CCNJL: variants seen among roughly 807,000 people sequenced by gnomAD.
The protein encoded by CCNJL is cyclin J like.
CCNJL carries 33 observed loss-of-function variants against 33.4 expected under a neutral mutation model. That is an observed-to-expected ratio of 0.99 (90% confidence interval 0.75 to 1.32). The LOEUF (loss-of-function observed/expected upper bound fraction) is 1.32, where lower values mean the gene tolerates loss of function less well. Among genes scored for constraint, CCNJL ranks in the 40% most tolerant of loss-of-function variants. The probability of loss-of-function intolerance (pLI) is 0.00; values close to 1 mark genes in which losing one functional copy is unlikely to be tolerated. For missense variants in CCNJL, 512 were observed against 499.7 expected, an observed-to-expected ratio of 1.02 and a Z score of -0.23; for synonymous variants, 227 against 220.9, an observed-to-expected ratio of 1.03 and a Z score of -0.24.
intron 1 of CCNJL, among the ~76,000 whole-genome samples, chr5:160,331,521 G>C (rs1320565733): frequency 6.6e-6 from 1 of 152,146 alleles, no homozygotes; most frequent in East Asian, 1.9e-4. Flanking sequence ...ACCGTGCCCA[G>C]CCCGAAGCCC....
chr5:160,282,498 C>G (rs928308298), intron 2 of CCNJL, among the ~76,000 whole-genome samples: 3 of 151,948 alleles, frequency 2.0e-5, no homozygotes, highest in African/African-American at 7.3e-5. Context: ...TCCAAAGATA[C>G]CATCCAGAAA....
intron 1 of CCNJL, among the ~76,000 whole-genome samples, chr5:160,327,400 G>A (rs1763551262): frequency 6.6e-6 from 1 of 152,238 alleles, no homozygotes; most frequent in African/African-American, 2.4e-5. Context: ...TGGGGGAAAT[G>A]GAGCAGGCAG....
chr5:160,267,297 T>C (rs1761638998), intron 3 of CCNJL, among the ~76,000 whole-genome samples: 1 of 152,076 alleles, frequency 6.6e-6, no homozygotes, highest in African/African-American at 2.4e-5. Context: ...GCAACGACCC[T>C]GGGAGGTTGG....
chr5:160,280,480 G>A (rs1762168489), intron 3 of CCNJL, 45 bp downstream of exon 3: 2 of 1,484,114 alleles, frequency 1.3e-6, no homozygotes, highest in Non-Finnish European at 1.9e-6. Context: ...CACTGAGCGG[G>A]AGGAGACCGC....
chr5:160,299,472 T>G (rs9918236), intron 2 of CCNJL, among the ~76,000 whole-genome samples: 7 of 152,010 alleles, frequency 4.6e-5, no homozygotes, highest in African/African-American at 1.7e-4. Flanking sequence ...TAAAAAAAAA[T>G]GTAATGCATG....
intron 1 of CCNJL, among the ~76,000 whole-genome samples, chr5:160,321,748 A>T (rs1188603322): frequency 6.6e-6 from 1 of 152,194 alleles, no homozygotes; most frequent in East Asian, 1.9e-4. Flanking sequence ...CCTTGCCAAC[A>T]TGGTGAAACC....
chr5:160,307,089 G>A (rs1484168932), intron 2 of CCNJL, among the ~76,000 whole-genome samples: 1 of 152,234 alleles, frequency 6.6e-6, no homozygotes, highest in African/African-American at 2.4e-5. Context: ...AGGATTCCCA[G>A]GAAGCATCCC....
upstream of CCNJL, among the ~76,000 whole-genome samples, chr5:160,316,315 A>G (rs1304938049): frequency 6.6e-6 from 1 of 152,140 alleles, no homozygotes; most frequent in Non-Finnish European, 1.5e-5. Flanking sequence ...GCTTACCATG[A>G]GTCAGTTACC....
chr5:160,321,053 T>C (rs1156931585), intron 1 of CCNJL, among the ~76,000 whole-genome samples: 1 of 126,558 alleles, frequency 7.9e-6, no homozygotes, highest in East Asian at 2.0e-4. Context: ...TTTCTTTCTT[T>C]CTTTCTTTCT....
intron 2 of CCNJL, among the ~76,000 whole-genome samples, chr5:160,291,543 T>C (rs764426076): frequency 1.3e-5 from 2 of 152,188 alleles, no homozygotes; most frequent in Non-Finnish European, 2.9e-5. Context: ...CCCAGAAAGC[T>C]GACTCTGGGA....
chr5:160,277,333 G>C (rs1204919234), intron 3 of CCNJL, among the ~76,000 whole-genome samples: 1 of 152,216 alleles, frequency 6.6e-6, no homozygotes, highest in Non-Finnish European at 1.5e-5. Context: ...TGATGCCGAT[G>C]ATTCAGGGGC....
chr5:160,260,652 G>A (rs1009628425), intron 3 of CCNJL, among the ~76,000 whole-genome samples: 1 of 152,078 alleles, frequency 6.6e-6, no homozygotes, highest in Non-Finnish European at 1.5e-5. Context: ...ACTGCGTGAG[G>A]CTCTGCAGAC....
rs55977502 is a variant in CCNJL, at chr5:160,311,366, T to G, written c.66+492A>C. On this transcript the variant is annotated intron_variant, in intron 2 of 5. Transcript: ENST00000257536. ...TATTTGGCCATAACCATGTATTCCC[T>G]GTACTACCACTTATCTTTATATAGA... Among the ~76,000 whole-genome samples the G allele has an allele frequency of 3.6e-3, 554 of 152,328 alleles. 2 individuals are homozygous for G. The highest frequency in any genetic ancestry group is 0.012 in the African/African-American group (519 of 41,572).
intron 3 of CCNJL, 28 bp downstream of exon 3, chr5:160,280,497 G>T: frequency 1.3e-6 from 2 of 1,583,252 alleles, no homozygotes; most frequent in Non-Finnish European, 1.7e-6. Context: ...CCGCACAAGC[G>T]CGGAGGAAGA....
At chr5:160,288,829 TAAAAAA>T (rs33916362) in intron 2 of CCNJL, among the ~76,000 whole-genome samples, 1 of 89,542 alleles carries the variant, frequency 1.1e-5, no homozygotes, top group Non-Finnish European at 2.3e-5. Context: ...AGACTCTGTC[TAAAAAA>T]AAAAAAAAAA....
chr5:160,279,745 C>G (rs1325700561), intron 3 of CCNJL, among the ~76,000 whole-genome samples: 1 of 152,136 alleles, frequency 6.6e-6, no homozygotes, highest in African/African-American at 2.4e-5. Flanking sequence ...GCCAGTGTGG[C>G]TGGAACCCAG....
chr5:160,290,015 T>C (rs1489191064), intron 2 of CCNJL, among the ~76,000 whole-genome samples: 1 of 152,176 alleles, frequency 6.6e-6, no homozygotes, highest in Admixed American at 6.5e-5. Flanking sequence ...AAATTCAGCA[T>C]GTGCTCTTCA....
At chr5:160,261,751 C>A (rs1303586277) in intron 3 of CCNJL, among the ~76,000 whole-genome samples, 2 of 152,162 alleles carry the variant, frequency 1.3e-5, no homozygotes, top group Non-Finnish European at 2.9e-5. Flanking sequence ...GTTTAGAGAC[C>A]TCCAGATATT....
intron 2 of CCNJL, among the ~76,000 whole-genome samples, chr5:160,299,615 A>G (rs1762861874): frequency 1.3e-5 from 2 of 150,550 alleles, no homozygotes; most frequent in Non-Finnish European, 3.0e-5. Flanking sequence ...GTTATGTTAA[A>G]AAAAAAAAAA....
Sources: gnomAD v4.1 joint callset for allele counts (sites outside exome capture counted in the v4.1 genomes callset) on GRCh38, gnomAD v4.1.1 for gene constraint, MANE v1.5 for transcripts, NCBI Gene and HGNC (gene_info 2026-07-23, HGNC 2026-07-21) for gene names.